The following CNTN3 variants were observed in gnomAD, a reference collection of about 807,000 sequenced individuals.
CNTN3 encodes contactin 3.
A neutral mutation model predicts 119.1 loss-of-function variants in CNTN3; 60 were observed. The ratio of observed to expected loss-of-function variants is 0.50; its 90% confidence interval spans 0.41 to 0.62. CNTN3 has a LOEUF of 0.62. CNTN3 is among the 20% of genes least tolerant of loss of function. The pLI is 0.00. For synonymous variants in CNTN3, 450 were observed against 438.7 expected, an observed-to-expected ratio of 1.03 and a Z score of -0.32; for missense variants, 1,101 against 1,242.4, an observed-to-expected ratio of 0.89 and a Z score of 1.71.
intron 13 of CNTN3, among the ~76,000 whole-genome samples, chr3:74,318,867 C>T (rs1174775180): frequency 1.3e-5 from 2 of 152,062 alleles, no homozygotes; most frequent in African/African-American, 2.4e-5. Context: ...GGGAGAACCA[C>T]TAGTCTCTTC....
chr3:74,299,436 G>T (rs614023), intron 17 of CNTN3, among the ~76,000 whole-genome samples: 48,518 of 151,918 alleles, frequency 0.32, 8,605 homozygotes, highest in East Asian at 0.72. Flanking sequence ...CTTCACCAGT[G>T]GGGGCTGCAC....
chr3:74,424,937 A>G lies in CNTN3; in HGVS notation c.362T>C (p.Leu121Pro). 6.3e-7 allele frequency: 1 copy of G among 1,594,146 alleles called. No individual in the cohort carries two copies. Among genetic ancestry groups the G allele is most frequent in the South Asian group, 1.1e-5 (1 of 87,512 alleles). ...SREAKLQFAY[L>P]ENFKTKMRST... ...CCTCATTTTGGTTTTAAAATTTTCAAGATCTGATTTGAAAACAAAACAAAA... is the reference window on the plus strand; with the variant it reads ...CCTCATTTTGGTTTTAAAATTTTCAGGATCTGATTTGAAAACAAAACAAAA... The change falls in exon 5 of 23, where the codon CTT becomes CCT. Residue 121 changes from leucine to proline, a missense_variant. Coordinates refer to ENST00000263665, the MANE Select transcript of CNTN3 (RefSeq NM_020872.3).
chr3:74,491,566 C>T (rs887355364), intron 3 of CNTN3, among the ~76,000 whole-genome samples: 13 of 152,098 alleles, frequency 8.5e-5, no homozygotes, highest in Non-Finnish European at 1.5e-4. Flanking sequence ...TCAGCTCCTT[C>T]TTTTACAAAG....
intron 3 of CNTN3, among the ~76,000 whole-genome samples, chr3:74,493,111 GTTA>G (rs777843520): frequency 2.6e-5 from 4 of 152,008 alleles, no homozygotes; most frequent in Non-Finnish European, 5.9e-5. Flanking sequence ...TATCTTACTA[GTTA>G]TTATTATTTA....
intron 1 of CNTN3, among the ~76,000 whole-genome samples, chr3:74,581,135 AG>A (rs1704498154): frequency 6.6e-6 from 1 of 152,216 alleles, no homozygotes; most frequent in African/African-American, 2.4e-5. Context: ...TCCTACAAGG[AG>A]TAGTAAGTCA....
At chr3:74,448,982 C>A (rs1431574975) in intron 4 of CNTN3, among the ~76,000 whole-genome samples, 2 of 152,016 alleles carry the variant, frequency 1.3e-5, no homozygotes, top group African/African-American at 4.8e-5. Flanking sequence ...TTTCAGCGAT[C>A]AGGACACTTC....
In CNTN3 at chr3:74,424,912, C is replaced by T. The variant is rs1456346778; in HGVS notation, c.387G>A (p.Arg129=). 2.6e-5 allele frequency: 42 copies of T among 1,609,486 alleles called. No individual in the cohort carries two copies. Among genetic ancestry groups the T allele is most frequent in the Non-Finnish European group, 3.1e-5 (37 of 1,178,450 alleles). The change falls in exon 5 of 23, where the codon AGG becomes AGA. Residue 129 remains arginine, a synonymous_variant. Transcript: ENST00000263665. ...AYLENFKTKM[R]STVSVREGQG... ...GGCCTTCACGCACAGACACTGTACT[C>T]CTCATTTTGGTTTTAAAATTTTCAA...
chr3:74,285,809 A>ATATG (rs1702102704), intron 19 of CNTN3, among the ~76,000 whole-genome samples: 2 of 102,322 alleles, frequency 2.0e-5, no homozygotes, highest in Non-Finnish European at 3.6e-5. Context: ...ATATATATAT[A>ATATG]TATATATATA....
At chr3:74,407,835 C>T (rs1182350763) in intron 5 of CNTN3, among the ~76,000 whole-genome samples, 2 of 152,184 alleles carry the variant, frequency 1.3e-5, no homozygotes, top group African/African-American at 2.4e-5. Context: ...CTCCTCAGGG[C>T]ATCCATTGAA....
At chr3:74,524,041 A>C (rs953958468) in intron 1 of CNTN3, among the ~76,000 whole-genome samples, 1 of 151,894 alleles carries the variant, frequency 6.6e-6, no homozygotes, top group Admixed American at 6.6e-5. Context: ...TACTGGAACC[A>C]AAGGATAAGT....
At chr3:74,602,295 C>CAAAAAAAAAAA (rs1167052275) in intron 1 of CNTN3, among the ~76,000 whole-genome samples, 1 of 19,688 alleles carries the variant, frequency 5.1e-5, no homozygotes, top group Non-Finnish European at 1.5e-4. Flanking sequence ...GACCTGGTCT[C>CAAAAAAAAAAA]AAAAAAAAAA....
chr3:74,350,494 T>C lies in CNTN3; in HGVS notation c.1364+11396A>G, dbSNP rs570598687. Among the ~76,000 whole-genome samples, 7 of 152,312 alleles carry C rather than the reference T, an allele frequency of 4.6e-5. No individual in the cohort carries two copies. In the South Asian group the frequency reaches 1.0e-3, roughly 23 times the overall value. On this transcript the variant is annotated intron_variant, in intron 11 of 22. Transcript: ENST00000263665. ...GTGGGAATGTAAATTAGTTCAATCC[T>C]TATGGAGAACAGCATGGAGATTTTT...
chr3:74,358,282 T>C (rs1441649134), intron 11 of CNTN3, among the ~76,000 whole-genome samples: 1 of 152,144 alleles, frequency 6.6e-6, no homozygotes, highest in Non-Finnish European at 1.5e-5. Context: ...GTAGGGGAGA[T>C]ATTAGAAATA....
At chr3:74,415,901 A>G (rs1408982464) in intron 5 of CNTN3, among the ~76,000 whole-genome samples, 3 of 152,270 alleles carry the variant, frequency 2.0e-5, no homozygotes, top group East Asian at 3.9e-4. Flanking sequence ...AACTCCCAGG[A>G]GACAGCATCT....
chr3:74,498,726 C>T (rs1703107513), intron 3 of CNTN3, among the ~76,000 whole-genome samples: 1 of 151,736 alleles, frequency 6.6e-6, no homozygotes, highest in Non-Finnish European at 1.5e-5. Context: ...TTTATTAATA[C>T]TGGCTGAAGT....
At chr3:74,594,788 T>A (rs1288484699) in intron 1 of CNTN3, among the ~76,000 whole-genome samples, 1 of 151,886 alleles carries the variant, frequency 6.6e-6, no homozygotes, top group African/African-American at 2.4e-5. Context: ...GCAGCATGAT[T>A]TATAGTCCTT....
chr3:74,441,332 C>A (rs915788705), intron 4 of CNTN3, among the ~76,000 whole-genome samples: 1 of 152,094 alleles, frequency 6.6e-6, no homozygotes, highest in Non-Finnish European at 1.5e-5. Context: ...ATGGAAACAT[C>A]GCTATCAGTA....
At chr3:74,540,427 T>A (rs1703826443) in intron 1 of CNTN3, among the ~76,000 whole-genome samples, 1 of 152,140 alleles carries the variant, frequency 6.6e-6, no homozygotes. Context: ...ATATGTCTTC[T>A]TTGTTTTTTC....
chr3:74,409,025 C>A (rs2106866401), intron 5 of CNTN3, among the ~76,000 whole-genome samples: 1 of 152,216 alleles, frequency 6.6e-6, no homozygotes. Context: ...AGCAGTCTTC[C>A]ACGAAGAGCC....
Sources: gnomAD v4.1 joint callset for allele counts (sites outside exome capture counted in the v4.1 genomes callset) on GRCh38, gnomAD v4.1.1 for gene constraint, MANE v1.5 for transcripts, NCBI Gene and HGNC (gene_info 2026-07-23, HGNC 2026-07-21) for gene names.